MGA: variants seen among roughly 807,000 people sequenced by gnomAD.
MGA encodes the protein MAX gene-associated protein.
A neutral mutation model predicts 261.1 loss-of-function variants in MGA; 40 were observed. The ratio of observed to expected loss-of-function variants is 0.15; its 90% confidence interval spans 0.12 to 0.20. MGA has a LOEUF of 0.20. Ranked by LOEUF, MGA falls within the 10% of genes least tolerant of loss-of-function variation. The pLI is 1.00. For missense variants in MGA, 3,397 were observed against 3,630.5 expected, an observed-to-expected ratio of 0.94 and a Z score of 1.65; for synonymous variants, 1,302 against 1,290.6, an observed-to-expected ratio of 1.01 and a Z score of -0.19.
At chr15:41,722,298 T>G (rs377515007) in intron 9 of MGA, among the ~76,000 whole-genome samples, 51 of 151,854 alleles carry the variant, frequency 3.4e-4, no homozygotes, top group Admixed American at 1.4e-3. Context: ...CCCGGCTAAT[T>G]TTTTGTATTT....
At chr15:41,759,837 G>A (rs188213453) in intron 19 of MGA, among the ~76,000 whole-genome samples, 56 of 152,268 alleles carry the variant, frequency 3.7e-4, no homozygotes, top group African/African-American at 7.9e-4. Context: ...TGTCAGGGAG[G>A]TGTGGGATTG....
chr15:41,719,396 A>C (rs907054733), intron 9 of MGA, among the ~76,000 whole-genome samples: 1 of 152,192 alleles, frequency 6.6e-6, no homozygotes, highest in Non-Finnish European at 1.5e-5. Flanking sequence ...GCAAGTTTCT[A>C]AAATTTTTAT....
At chr15:41,690,746 GTA>G (rs1227946965) in intron 2 of MGA, among the ~76,000 whole-genome samples, 29 of 152,246 alleles carry the variant, frequency 1.9e-4, no homozygotes, top group Middle Eastern at 3.4e-3. Flanking sequence ...TGGTGTGGTG[GTA>G]TGTGTCTGTA....
chr15:41,715,876 C>A (rs899761990), intron 9 of MGA, among the ~76,000 whole-genome samples: 1 of 152,256 alleles, frequency 6.6e-6, no homozygotes, highest in Non-Finnish European at 1.5e-5. Context: ...ACTGAGTTTA[C>A]TCCCTTCTTA....
chr15:41,632,193 G>A (rs1047446483), intron 1 of MGA, among the ~76,000 whole-genome samples: 5 of 152,144 alleles, frequency 3.3e-5, no homozygotes, highest in Non-Finnish European at 7.3e-5. Flanking sequence ...TTTCTGTAGA[G>A]GACTAGATAG....
intron 9 of MGA, among the ~76,000 whole-genome samples, chr15:41,715,922 A>G (rs1039210249): frequency 6.6e-6 from 1 of 152,182 alleles, no homozygotes; most frequent in African/African-American, 2.4e-5. Context: ...AAAGCAACAA[A>G]AATAAAATAC....
At chr15:41,714,303 T>A (rs1284483731) in intron 9 of MGA, among the ~76,000 whole-genome samples, 1 of 152,242 alleles carries the variant, frequency 6.6e-6, no homozygotes, top group African/African-American at 2.4e-5. Flanking sequence ...TAATGTTAGT[T>A]TTAATGGCTT....
intron 13 of MGA, 48 bp downstream of exon 13, chr15:41,736,746 G>C: frequency 6.8e-7 from 1 of 1,480,474 alleles, no homozygotes. Flanking sequence ...ATACACCTAG[G>C]TAGTATCATG....
intron 9 of MGA, among the ~76,000 whole-genome samples, chr15:41,720,952 C>T (rs1456569293): frequency 6.6e-6 from 1 of 152,188 alleles, no homozygotes. Context: ...GATTATTGTA[C>T]ATCCGTATGG....
At chr15:41,738,153 C>T (rs2061889396) in intron 13 of MGA, among the ~76,000 whole-genome samples, 1 of 152,110 alleles carries the variant, frequency 6.6e-6, no homozygotes, top group East Asian at 1.9e-4. Context: ...GTAATACCAG[C>T]ACTTTGGGAG....
chr15:41,657,898 G>A (rs2057240048), upstream of MGA, among the ~76,000 whole-genome samples: 1 of 152,154 alleles, frequency 6.6e-6, no homozygotes, highest in Non-Finnish European at 1.5e-5. Context: ...GATTGGATGA[G>A]GAAGTTTGTC....
chr15:41,684,344 A>G (rs2058832925), intron 2 of MGA: 1 of 445,494 alleles, frequency 2.2e-6, no homozygotes, highest in Non-Finnish European at 4.5e-6. Flanking sequence ...ATGCCAACAA[A>G]AAAAATCCTT....
At chr15:41,692,099 TTTTTGTTTTG>T (rs951697343) in intron 2 of MGA, among the ~76,000 whole-genome samples, 2 of 152,150 alleles carry the variant, frequency 1.3e-5, no homozygotes, top group South Asian at 4.1e-4. Context: ...CTCTGACACT[TTTTTGTTTTG>T]TTTTGTTTTG....
intron 1 of MGA, among the ~76,000 whole-genome samples, chr15:41,622,200 C>G (rs2056316796): frequency 6.6e-6 from 1 of 152,144 alleles, no homozygotes; most frequent in Admixed American, 6.6e-5. Context: ...GAGCCGAGAT[C>G]TGGGAATTCG....
intron 1 of MGA, among the ~76,000 whole-genome samples, chr15:41,623,561 A>G (rs1395632985): frequency 2.0e-5 from 3 of 151,940 alleles, no homozygotes; most frequent in Non-Finnish European, 2.9e-5. Flanking sequence ...CCTGACCAAC[A>G]TGGAAAAACC....
rs769627760 is a variant in MGA, at chr15:41,669,808, G to A, written c.914G>A (p.Gly305Asp). The change falls in exon 2 of 24, where the codon GGT becomes GAT. Residue 305 changes from glycine (G) to aspartate (D), a missense_variant. Physicochemically the swap from Gly to Asp is moderately conservative, Grantham distance 94. Coordinates refer to ENST00000219905, the MANE Select transcript of MGA (RefSeq NM_001164273.2). ...GGTCAGGGGTCAGAGATACAACCAGGTGATTTGGATCCTTTGTCAAGGGGT... is the reference window on the plus strand; with the variant it reads ...GGTCAGGGGTCAGAGATACAACCAGATGATTTGGATCCTTTGTCAAGGGGT... The A allele has an allele frequency of 6.2e-7, 1 of 1,613,962 alleles. No homozygotes were observed. Among genetic ancestry groups the A allele is most frequent in the Non-Finnish European group, 8.5e-7 (1 of 1,179,888 alleles).
intron 2 of MGA, among the ~76,000 whole-genome samples, chr15:41,683,499 C>G (rs2058783249): frequency 6.6e-6 from 1 of 151,110 alleles, no homozygotes; most frequent in Admixed American, 6.6e-5. Flanking sequence ...GCCAAGAGCT[C>G]TTTTATTTTC....
chr15:41,644,699 G>A (rs2056900356), intron 1 of MGA, among the ~76,000 whole-genome samples: 1 of 152,122 alleles, frequency 6.6e-6, no homozygotes, highest in South Asian at 2.1e-4. Context: ...AAGTGAATAT[G>A]AAATGTGTAT....
chr15:41,761,435 G>A (rs1311553403), intron 20 of MGA, among the ~76,000 whole-genome samples: 1 of 152,148 alleles, frequency 6.6e-6, no homozygotes, highest in Admixed American at 6.6e-5. Context: ...TCTTAAAGTT[G>A]ATTATTAAAA....
Sources: allele counts gnomAD v4.1 joint callset (sites outside exome capture counted in the v4.1 genomes callset), GRCh38; gene constraint gnomAD v4.1.1; transcripts MANE v1.5; gene names NCBI Gene and HGNC (gene_info 2026-07-23, HGNC 2026-07-21).